GSK3B: variants seen among roughly 807,000 people sequenced by gnomAD.
GSK3B encodes the protein glycogen synthase kinase 3 beta.
Under a neutral mutation model 56.4 loss-of-function variants are expected in GSK3B, and 15 were observed. That is an observed-to-expected ratio of 0.27 (90% CI 0.18 to 0.41). The LOEUF (loss-of-function observed/expected upper bound fraction) is 0.41. Ranked by LOEUF, GSK3B falls within the 10% of genes least tolerant of loss-of-function variation. The pLI is 1.00. For synonymous variants in GSK3B, 181 were observed against 188.9 expected (o/e 0.96, Z 0.34); for missense variants, 300 against 513.4 (o/e 0.58, Z 4.02).
At chr3:119,912,613 A>T (rs1326234269) in intron 6 of GSK3B, 91 bp downstream of exon 6, 1 of 541,584 alleles carries the variant, frequency 1.8e-6, no homozygotes, top group Non-Finnish European at 3.4e-6. Context: ...CCATCTTTCC[A>T]TGGAAATAAA....
chr3:119,934,987 CA>C (rs2056980698), intron 3 of GSK3B, among the ~76,000 whole-genome samples: 1 of 151,894 alleles, frequency 6.6e-6, no homozygotes, highest in African/African-American at 2.4e-5. Flanking sequence ...AACATAAAAA[CA>C]GATGACAACT....
rs562186811 is a variant in GSK3B, at chr3:119,862,089, C to CT, written c.1096+1329dup. Among the ~76,000 whole-genome samples, 818 of 135,786 alleles carry CT rather than the reference C, an allele frequency of 6.0e-3. 5 individuals are homozygous for CT. The highest frequency in any genetic ancestry group is 0.038 in the East Asian group (181 of 4,812). The allele number at this position is 135,786 out of a possible 152,430, so 89.1% of individuals were successfully genotyped here. A position where few individuals can be genotyped will look rare whatever the true frequency, so the allele number is the denominator to read the frequency against. Reference sequence around the variant, plus strand: ...TTTAAAATACCAAAATAAAAGTCTTCTTTTTTTTTTTTTAAAAGAAACTTG... The same window carrying CT: ...TTTAAAATACCAAAATAAAAGTCTTCTTTTTTTTTTTTTTAAAAGAAACTTG... On this transcript the variant is annotated intron_variant, in intron 9 of 10. Transcript: ENST00000264235.
chr3:120,074,351 AC>A, intron 1 of GSK3B, among the ~76,000 whole-genome samples: 1 of 138,158 alleles, frequency 7.2e-6, no homozygotes, highest in East Asian at 2.0e-4. Context: ...GTCATGAGAA[AC>A]TTTTTTTTTT....
intron 1 of GSK3B, among the ~76,000 whole-genome samples, chr3:120,050,172 A>G (rs536727359): frequency 1.3e-5 from 2 of 152,350 alleles, no homozygotes; most frequent in South Asian, 4.1e-4. Flanking sequence ...CATTCCCATG[A>G]GAACTAATCT....
chr3:119,979,025 A>G (rs538062977), intron 2 of GSK3B, among the ~76,000 whole-genome samples: 5 of 152,288 alleles, frequency 3.3e-5, no homozygotes, highest in Admixed American at 2.6e-4. Flanking sequence ...ACAATTCCAC[A>G]TTCCTACGGT....
chr3:120,067,280 C>A (rs1478739250), intron 1 of GSK3B, among the ~76,000 whole-genome samples: 1 of 150,748 alleles, frequency 6.6e-6, no homozygotes, highest in Non-Finnish European at 1.5e-5. Flanking sequence ...CACATGACAC[C>A]TGATGTTATG....
chr3:119,895,759 T>C (rs2056555986), intron 7 of GSK3B, among the ~76,000 whole-genome samples: 1 of 152,154 alleles, frequency 6.6e-6, no homozygotes, highest in Admixed American at 6.6e-5. Context: ...TCTACTTAAT[T>C]GATCTGTATG....
chr3:120,049,922 A>G (rs974429481), intron 1 of GSK3B, among the ~76,000 whole-genome samples: 1 of 152,248 alleles, frequency 6.6e-6, no homozygotes, highest in Non-Finnish European at 1.5e-5. Flanking sequence ...AGCTGCTTTA[A>G]TCCATTTTGT....
At chr3:119,903,370 G>A (rs1395736829) in intron 7 of GSK3B, among the ~76,000 whole-genome samples, 1 of 152,124 alleles carries the variant, frequency 6.6e-6, no homozygotes, top group African/African-American at 2.4e-5. Context: ...CTATAGTAAG[G>A]TGATAAGTAC....
chr3:119,991,639 C>A (rs901053170), intron 2 of GSK3B, among the ~76,000 whole-genome samples: 10 of 151,920 alleles, frequency 6.6e-5, no homozygotes, highest in Non-Finnish European at 1.2e-4. Context: ...TAAGGCAATC[C>A]CAAACAGCAG....
chr3:119,963,532 C>T (rs1213401215), intron 2 of GSK3B, among the ~76,000 whole-genome samples: 4 of 148,494 alleles, frequency 2.7e-5, no homozygotes, highest in Admixed American at 6.8e-5. Flanking sequence ...GGTGGGAGAT[C>T]GCCTGAACCT....
At chr3:119,834,877 T>C (rs2055665406) in intron 10 of GSK3B, among the ~76,000 whole-genome samples, 1 of 152,198 alleles carries the variant, frequency 6.6e-6, no homozygotes, top group Non-Finnish European at 1.5e-5. Flanking sequence ...CAAGAACTTC[T>C]AGAAGTGATG....
chr3:120,024,060 G>A (rs2057902759), intron 1 of GSK3B, among the ~76,000 whole-genome samples: 1 of 152,200 alleles, frequency 6.6e-6, no homozygotes, highest in African/African-American at 2.4e-5. Flanking sequence ...AGGTTTTAAT[G>A]GCTCACACCT....
intron 9 of GSK3B, among the ~76,000 whole-genome samples, chr3:119,859,985 C>T (rs936016275): frequency 6.6e-6 from 1 of 152,178 alleles, no homozygotes; most frequent in Admixed American, 6.5e-5. Flanking sequence ...CACATTAGCT[C>T]ATACTAAAGT....
chr3:119,891,256 A>G (rs1020578861), intron 7 of GSK3B, among the ~76,000 whole-genome samples: 2 of 151,828 alleles, frequency 1.3e-5, no homozygotes, highest in African/African-American at 4.8e-5. Context: ...GCATTCTAAA[A>G]GAGAATAAGG....
intron 2 of GSK3B, among the ~76,000 whole-genome samples, chr3:119,964,762 C>T (rs182583778): frequency 1.1e-3 from 172 of 152,006 alleles, no homozygotes; most frequent in Admixed American, 2.7e-3. Context: ...TCTTACCTAC[C>T]CTCTCAAAAA....
intron 1 of GSK3B, among the ~76,000 whole-genome samples, chr3:120,060,094 A>C (rs2058224231): frequency 1.3e-5 from 2 of 152,200 alleles, no homozygotes; most frequent in South Asian, 4.1e-4. Context: ...ACCACACAAA[A>C]ACAAAACTCC....
intron 3 of GSK3B, among the ~76,000 whole-genome samples, chr3:119,939,053 GGA>G (rs1211581040): frequency 6.6e-6 from 1 of 151,898 alleles, no homozygotes; most frequent in African/African-American, 2.4e-5. Context: ...GATATTCCAA[GGA>G]GAGAGAAGCT....
chr3:120,009,501 C>T (rs1457199046), intron 1 of GSK3B, among the ~76,000 whole-genome samples: 1 of 152,036 alleles, frequency 6.6e-6, no homozygotes, highest in African/African-American at 2.4e-5. Context: ...TACTATGCCG[C>T]CATAAAAAAG....
Sources: gnomAD v4.1 joint callset for allele counts (sites outside exome capture counted in the v4.1 genomes callset) on GRCh38, gnomAD v4.1.1 for gene constraint, MANE v1.5 for transcripts, NCBI Gene and HGNC (gene_info 2026-07-23, HGNC 2026-07-21) for gene names.